AKT2: variants seen among roughly 807,000 people sequenced by gnomAD.
AKT2 encodes AKT serine/threonine kinase 2, also known as RAC-beta serine/threonine-protein kinase.
Under a neutral mutation model 58.6 loss-of-function variants are expected in AKT2, and 16 were observed. The observed-to-expected ratio is 0.27, with a 90% CI of 0.18 to 0.41. The LOEUF is 0.41. Ranked by LOEUF, AKT2 falls within the 10% of genes least tolerant of loss-of-function variation. The probability of loss-of-function intolerance (pLI) is 1.00; values close to 1 mark genes in which losing one functional copy is unlikely to be tolerated. For missense variants in AKT2, 438 were observed against 661.0 expected, an observed-to-expected ratio of 0.66 and a Z score of 3.70; for synonymous variants, 253 against 254.0, an observed-to-expected ratio of 1.00 and a Z score of 0.04.
At chr19:40,244,080 T>C (rs1262590381) in intron 4 of AKT2, 1 of 147,236 alleles carries the variant, frequency 6.8e-6, no homozygotes, top group Non-Finnish European at 1.5e-5. Flanking sequence ...ATAATAATAA[T>C]AATAATAATA....
chr19:40,233,400 C>T lies in AKT2; in HGVS notation c.*472G>A, dbSNP rs1398691572. 2.2e-6 allele frequency: 1 copy of T among 458,368 alleles called. No homozygotes were observed. Among genetic ancestry groups the T allele is most frequent in the African/African-American group, 1.9e-5 (1 of 51,414 alleles). 28.4% of individuals were successfully genotyped at this position (458,368 alleles called of 1,614,324 possible). ...CAGCGGGTGGGGGATTGGACCGCCC[C>T]GTGCCTGGCCACTCCGAGCCTAGGC... On this transcript the variant is annotated 3_prime_UTR_variant, in exon 14 of 14. Transcript: ENST00000392038. The surrounding 1 kb of genome is among the most constrained non-coding windows in gnomAD (Gnocchi z 4.3).
rs1185225013 is a variant in AKT2 at position 40,230,596 on chromosome 19, G to A, written c.*3276C>T. On this transcript the variant is annotated 3_prime_UTR_variant, in exon 14 of 14. Coordinates refer to ENST00000392038, the MANE Select transcript of AKT2 (RefSeq NM_001626.6). ...GAGCAGGAAACTACCAATTTATGAT[G>A]CCGTGTCCATTTGCAGAGAGGTAAT... 1 of 228,506 alleles carries A rather than the reference G, an allele frequency of 4.4e-6. No homozygotes were observed. The highest frequency in any genetic ancestry group is 8.7e-6 in the Non-Finnish European group (1 of 115,148). The allele number at this position is 228,506 out of a possible 1,614,324, so 14.2% of individuals were successfully genotyped here.
At chr19:40,253,072 T>C (rs943474365) in intron 4 of AKT2, among the ~76,000 whole-genome samples, 3 of 152,214 alleles carry the variant, frequency 2.0e-5, no homozygotes, top group Non-Finnish European at 4.4e-5. Flanking sequence ...AGGTAGCCAC[T>C]AGCCATATGT....
At chr19:40,265,527 C>T (rs920404827) in intron 1 of AKT2, 176 bp from the exon 2 acceptor site, 8 of 846,922 alleles carry the variant, frequency 9.4e-6, no homozygotes, top group Admixed American at 2.9e-5. Flanking sequence ...AGAGATGTGG[C>T]AATGTCCCCA....
Position 40,242,825 on chromosome 19 carries a change from G to C in AKT2, c.288-138C>G. 1 of 967,622 alleles carries C rather than the reference G, an allele frequency of 1.0e-6. No individual in the cohort carries two copies. Among genetic ancestry groups the C allele is most frequent in the Non-Finnish European group, 1.6e-6 (1 of 637,168 alleles). The allele number at this position is 967,622 out of a possible 1,614,324, so 59.9% of individuals were successfully genotyped here. A position where few individuals can be genotyped will look rare whatever the true frequency, so the allele number is the denominator to read the frequency against. ...AACCATGGGAATTTGGGCAAGATCTGTCAGAACCAGAGAGAGCTGAAGGGA... is the reference window on the plus strand; with the variant it reads ...AACCATGGGAATTTGGGCAAGATCTCTCAGAACCAGAGAGAGCTGAAGGGA... On this transcript the variant is annotated intron_variant, in intron 4 of 13. Transcript: ENST00000392038. The surrounding 1 kb of genome is among the most constrained non-coding windows in gnomAD (Gnocchi z 4.3).
At chr19:40,261,281 C>G (rs1160239080) in intron 2 of AKT2, among the ~76,000 whole-genome samples, 1 of 152,160 alleles carries the variant, frequency 6.6e-6, no homozygotes, top group Non-Finnish European at 1.5e-5. Flanking sequence ...GCCTGTAATC[C>G]CAGCACTTTG....
At chr19:40,239,200 C>G (rs1974226071) in intron 7 of AKT2, 3 of 523,296 alleles carry the variant, frequency 5.7e-6, no homozygotes, top group South Asian at 5.3e-5. Flanking sequence ...CCATCTTGTC[C>G]TCTGCCTCCA....
rs749826058 is a variant in AKT2 at position 40,238,056 on chromosome 19, T to C, written c.744A>G (p.Thr248=). ...FFHLSRERVF[T]EERARFYGAE... is the part of the protein sequence containing the mutation. ...CACCATAAAACCGGGCCCGCTCCTC[T>C]GTGAAGACACGCTCCCGGGACAGGT... Residue 248 remains threonine, a synonymous_variant, in exon 9 of 14, where the codon ACA becomes ACG. Coordinates refer to ENST00000392038, the MANE Select transcript of AKT2 (RefSeq NM_001626.6). This position sits in a 1 kb window ranked among gnomAD's most constrained non-coding sequence, Gnocchi z 5.1. 17 of 1,607,244 alleles carry C rather than the reference T, an allele frequency of 1.1e-5. No homozygotes were observed. In the African/African-American group the frequency reaches 1.9e-4, roughly 18 times the overall value.
intron 6 of AKT2, chr19:40,241,704 T>G: frequency 3.3e-6 from 2 of 600,546 alleles, no homozygotes; most frequent in East Asian, 3.2e-5. Context: ...GCCCCGAGGC[T>G]CTCTCTCTCC....
chr19:40,270,626 G>A (rs939140633), intron 1 of AKT2: 7 of 152,186 alleles, frequency 4.6e-5, no homozygotes, highest in Non-Finnish European at 8.8e-5. Flanking sequence ...TTGGGGAGGT[G>A]GCAGCGACCC....
At chr19:40,236,517 A>C in intron 9 of AKT2, 132 bp from the exon 10 acceptor site, 1 of 1,210,396 alleles carries the variant, frequency 8.3e-7, no homozygotes, top group Non-Finnish European at 1.2e-6. Context: ...CCCAGCACAC[A>C]CAGCCTCACC....
Position 40,230,736 on chromosome 19 carries a change from TAG to T in AKT2, c.*3134_*3135del, listed in dbSNP as rs1973663568. 3 of 203,854 alleles carry T rather than the reference TAG, an allele frequency of 1.5e-5. No individual in the cohort carries two copies. The highest frequency in any genetic ancestry group is 3.0e-5 in the Non-Finnish European group (3 of 99,322). 12.6% of individuals were successfully genotyped at this position (203,854 alleles called of 1,614,324 possible). A position where few individuals can be genotyped will look rare whatever the true frequency, so the allele number is the denominator to read the frequency against. On this transcript the variant is annotated 3_prime_UTR_variant, in exon 14 of 14. Transcript: ENST00000392038. Reference sequence around the variant, plus strand: ...ATCATGTTTTTTTTTTTTTTATTTTTAGAGACACAGTCTCATTGTCCCAGGCT... The same window carrying T: ...ATCATGTTTTTTTTTTTTTTATTTTTAGACACAGTCTCATTGTCCCAGGCT...
rs1975655180 is a variant in AKT2 at position 40,257,923 on chromosome 19, T to A, written c.47-869A>T. 2.6e-5 allele frequency among the ~76,000 whole-genome samples: 4 copies of A among 152,088 alleles called. No homozygotes were observed. The South Asian group carries it at 8.3e-4, about 32-fold the overall frequency. On this transcript the variant is annotated intron_variant, in intron 2 of 13. Coordinates refer to ENST00000392038, the MANE Select transcript of AKT2 (RefSeq NM_001626.6). The stretch of plus-strand genomic sequence containing the variant: ...ACGTATCATTATGACTCCATTTATA[T>A]AAAATGCCCAGAACAGGCAAATCTA...
Position 40,262,799 on chromosome 19 carries a change from G to C in AKT2, c.46+2423C>G, listed in dbSNP as rs532374212. On this transcript the variant is annotated intron_variant, in intron 2 of 13. Coordinates refer to ENST00000392038, the MANE Select transcript of AKT2 (RefSeq NM_001626.6). ...CAAAATCAGGCTTGCCTAGAGCAGAGACAGGTGTCTGGCACACAGTAAGTG... is the reference window on the plus strand; with the variant it reads ...CAAAATCAGGCTTGCCTAGAGCAGACACAGGTGTCTGGCACACAGTAAGTG... 1.1e-4 allele frequency among the ~76,000 whole-genome samples: 17 copies of C among 152,328 alleles called. 1 individual carries two copies. In the South Asian group the frequency reaches 3.5e-3, roughly 32 times the overall value.
At chr19:40,239,572 G>C (rs1974257360) in intron 7 of AKT2, 3 of 339,970 alleles carry the variant, frequency 8.8e-6, no homozygotes, top group South Asian at 7.1e-5. Flanking sequence ...TGATACATAA[G>C]CCATCCTCAA....
intron 6 of AKT2, 56 bp downstream of exon 6, chr19:40,241,882 G>C (rs756570174): frequency 1.9e-6 from 3 of 1,612,204 alleles, no homozygotes; most frequent in Non-Finnish European, 2.5e-6. Context: ...CTCAGGGTCA[G>C]GCTCCAGACC....
chr19:40,272,088 C>A (rs1194789702), intron 1 of AKT2, among the ~76,000 whole-genome samples: 1 of 152,236 alleles, frequency 6.6e-6, no homozygotes. Flanking sequence ...ACCAATATAA[C>A]CCTCACAGCA....
At chr19:40,246,400 A>G (rs1434358532) in intron 4 of AKT2, among the ~76,000 whole-genome samples, 1 of 152,166 alleles carries the variant, frequency 6.6e-6, no homozygotes, top group Non-Finnish European at 1.5e-5. Flanking sequence ...CTGGGATTAC[A>G]GGTGTGAGCT....
At chr19:40,279,446 C>A (rs1231954248) in intron 1 of AKT2, 1 of 152,350 alleles carries the variant, frequency 6.6e-6, no homozygotes, top group African/African-American at 2.4e-5. Flanking sequence ...GGCCCGGAGG[C>A]CTGTGGTTGA....
Sources: allele counts gnomAD v4.1 joint callset (sites outside exome capture counted in the v4.1 genomes callset), GRCh38; gene constraint gnomAD v4.1.1; non-coding constraint Gnocchi (gnomAD v3.1); transcripts MANE v1.5; gene names NCBI Gene and HGNC (gene_info 2026-07-23, HGNC 2026-07-21).